CHRM2: variants seen among roughly 807,000 people sequenced by gnomAD.
CHRM2 encodes the protein muscarinic acetylcholine receptor M2.
Under a neutral mutation model 25.0 loss-of-function variants are expected in CHRM2, and 8 were observed. That is an observed-to-expected ratio of 0.32 (90% CI 0.19 to 0.58). The LOEUF (loss-of-function observed/expected upper bound fraction) is 0.58, where lower values mean the gene tolerates loss of function less well. CHRM2 is among the 20% of genes least tolerant of loss of function. The pLI is 0.88. For synonymous variants in CHRM2, 202 were observed against 205.7 expected, an observed-to-expected ratio of 0.98 and a Z score of 0.15; for missense variants, 440 against 567.1, an observed-to-expected ratio of 0.78 and a Z score of 2.28.
chr7:137,015,077 T>G lies in CHRM2; in HGVS notation c.212T>G (p.Ile71Ser). 1 of 1,613,510 alleles carries G rather than the reference T, an allele frequency of 6.2e-7. No individual in the cohort carries two copies. The highest frequency in any genetic ancestry group is 8.5e-7 in the Non-Finnish European group (1 of 1,179,636). ...TTCAGCTTGGCCTGTGCTGACCTTA[T>G]CATAGGTGTTTTCTCCATGAACTTG... Reference protein sequence around the residue: ...FLFSLACADLIIGVFSMNLYT... With the variant: ...FLFSLACADLSIGVFSMNLYT... Residue 71 changes from isoleucine to serine, a missense_variant, in exon 4 of 4, where the codon ATC becomes AGC. Ile to Ser is a moderately radical substitution (Grantham distance 142). Around this residue, in one of 5 missense-constraint regions of CHRM2, gnomAD observed 86 missense variants for 124.9 expected, o/e 0.69. Transcript: ENST00000680005. The surrounding 1 kb of genome is among the most constrained non-coding windows in gnomAD (Gnocchi z 5.1).
intron 2 of CHRM2, among the ~76,000 whole-genome samples, chr7:136,922,674 C>T (rs185146673): frequency 1.3e-5 from 2 of 152,280 alleles, no homozygotes; most frequent in African/African-American, 4.8e-5. Flanking sequence ...ATAATGGCAA[C>T]TTATCTTTTA....
rs1490177378 is a variant in CHRM2, at chr7:137,018,556, A to C, written c.*2290A>C. 2.0e-5 allele frequency: 3 copies of C among 151,868 alleles called. No homozygotes were observed. Among genetic ancestry groups the C allele is most frequent in the Non-Finnish European group, 4.4e-5 (3 of 67,894 alleles). The allele number at this position is 151,868 out of a possible 1,614,324, so 9.4% of individuals were successfully genotyped here. ...AATGTATTGTATTATTATTATGTAG[A>C]TTTGGCTTCAGTTGGGAAGAACCCT... On this transcript the variant is annotated 3_prime_UTR_variant, in exon 4 of 4. Transcript: ENST00000680005.
intron 2 of CHRM2, among the ~76,000 whole-genome samples, chr7:136,910,052 T>C: frequency 6.6e-6 from 1 of 151,858 alleles, no homozygotes; most frequent in East Asian, 1.9e-4. Flanking sequence ...AATGTGATTT[T>C]TAGCCAAGGT....
chr7:136,884,329 T>C (rs571396695), intron 2 of CHRM2, among the ~76,000 whole-genome samples: 3 of 152,092 alleles, frequency 2.0e-5, no homozygotes, highest in Admixed American at 6.6e-5. Flanking sequence ...GTCTTTAGAG[T>C]AAGAAAAAAA....
chr7:136,930,898 CAAAAAAAA>C lies in CHRM2; in HGVS notation c.-124-61267_-124-61260del, dbSNP rs57705639. 8.3e-3 allele frequency among the ~76,000 whole-genome samples: 510 copies of C among 61,098 alleles called. 4 individuals carry two copies. Among genetic ancestry groups the C allele is most frequent in the African/African-American group, 0.018 (451 of 24,978 alleles). The allele number at this position is 61,098 out of a possible 152,430, so 40.1% of individuals were successfully genotyped here. On this transcript the variant is annotated intron_variant, in intron 2 of 3. Coordinates refer to ENST00000680005, the MANE Select transcript of CHRM2 (RefSeq NM_001006630.2). ...GGCTACAGAGCCAGACTCATTCTCT[CAAAAAAAA>C]AAAAAAAAAAAAAAAAAAAAAGGAT... is the stretch of plus-strand genomic sequence containing the variant.
intron 2 of CHRM2, among the ~76,000 whole-genome samples, chr7:136,973,737 G>A (rs953773211): frequency 7.2e-5 from 11 of 151,914 alleles, no homozygotes; most frequent in South Asian, 2.1e-4. Flanking sequence ...AATTGTTGTC[G>A]GTAATGATGG....
intron 2 of CHRM2, among the ~76,000 whole-genome samples, chr7:136,984,705 C>G (rs1363349125): frequency 6.6e-6 from 1 of 152,066 alleles, no homozygotes; most frequent in Non-Finnish European, 1.5e-5. Flanking sequence ...GGAAGGAGTT[C>G]CCTGACCCCT....
In CHRM2 at chr7:136,869,723, C is replaced by T. The variant is rs895576642; in HGVS notation, c.-125+305C>T. ...GAATGTGGCGAAAGCAGCCTGGGAG[C>T]TGCGCTGTCCCGGCGTCGCTCCCTA... On this transcript the variant is annotated intron_variant, in intron 2 of 3. Coordinates refer to ENST00000680005, the MANE Select transcript of CHRM2 (RefSeq NM_001006630.2). The surrounding 1 kb of genome is among the most constrained non-coding windows in gnomAD (Gnocchi z 4.9). 1 of 152,492 alleles carries T rather than the reference C, an allele frequency of 6.6e-6. No homozygotes were observed. 9.4% of individuals were successfully genotyped at this position (152,492 alleles called of 1,614,324 possible). A position where few individuals can be genotyped will look rare whatever the true frequency, so the allele number is the denominator to read the frequency against.
intron 2 of CHRM2, among the ~76,000 whole-genome samples, chr7:136,940,018 A>C (rs561867349): frequency 3.1e-4 from 47 of 152,330 alleles, no homozygotes; most frequent in Non-Finnish European, 1.0e-4. Context: ...TCCTAATAAA[A>C]AGCAATATAT....
chr7:136,981,107 C>T (rs997995986), intron 2 of CHRM2, among the ~76,000 whole-genome samples: 1 of 152,164 alleles, frequency 6.6e-6, no homozygotes, highest in South Asian at 2.1e-4. Context: ...TTAATTACTG[C>T]CTCAATTTCA....
At chr7:136,928,913 G>A (rs1798896248) in intron 2 of CHRM2, among the ~76,000 whole-genome samples, 1 of 152,130 alleles carries the variant, frequency 6.6e-6, no homozygotes, top group Non-Finnish European at 1.5e-5. Context: ...TATCTCACAG[G>A]GTTGCTGTGA....
chr7:136,909,860 T>C (rs1023517941), intron 2 of CHRM2, among the ~76,000 whole-genome samples: 4 of 151,930 alleles, frequency 2.6e-5, no homozygotes, highest in African/African-American at 9.7e-5. Flanking sequence ...CAGAGAAGGA[T>C]TGATTTTAAG....
chr7:136,888,486 G>A (rs1796558763), intron 2 of CHRM2, among the ~76,000 whole-genome samples: 1 of 152,108 alleles, frequency 6.6e-6, no homozygotes, highest in Non-Finnish European at 1.5e-5. Context: ...TTACATATGT[G>A]AATAGGAATA....
At position 136,892,183 on chromosome 7, in the gene CHRM2, C is replaced by T. The variant is rs74504955; in HGVS notation, c.-125+22765C>T. ...ATGATAATTTCTATTTAGGGAAATC[C>T]TTTTTGCCAAAATTCTTGACAGTTG... is the stretch of plus-strand genomic sequence containing the variant. On this transcript the variant is annotated intron_variant, in intron 2 of 3. Coordinates refer to ENST00000680005, the MANE Select transcript of CHRM2 (RefSeq NM_001006630.2). 7.9e-5 allele frequency among the ~76,000 whole-genome samples: 12 copies of T among 152,294 alleles called. No individual in the cohort carries two copies. The East Asian group carries it at 2.3e-3, about 29-fold the overall frequency.
At chr7:136,990,071 C>T (rs1359412186) in intron 2 of CHRM2, among the ~76,000 whole-genome samples, 1 of 151,968 alleles carries the variant, frequency 6.6e-6, no homozygotes, top group Non-Finnish European at 1.5e-5. Context: ...TTTTTTAAGA[C>T]TTTATTTTTT....
intron 2 of CHRM2, among the ~76,000 whole-genome samples, chr7:136,924,182 C>T (rs1349462023): frequency 6.6e-6 from 1 of 151,980 alleles, no homozygotes; most frequent in Non-Finnish European, 1.5e-5. Context: ...GGTATGTACA[C>T]ACATTATTTC....
intron 2 of CHRM2, among the ~76,000 whole-genome samples, chr7:136,988,981 TAC>T (rs1331903750): frequency 6.6e-6 from 1 of 152,110 alleles, no homozygotes; most frequent in African/African-American, 2.4e-5. Flanking sequence ...TTTAGAATTT[TAC>T]AGTCTTCCCA....
chr7:136,932,589 T>C (rs1031548504), intron 2 of CHRM2, among the ~76,000 whole-genome samples: 9 of 152,200 alleles, frequency 5.9e-5, no homozygotes, highest in Non-Finnish European at 4.4e-5. Context: ...AATAAATTCA[T>C]ACAACTACCT....
chr7:137,015,856 A>G lies in CHRM2; in HGVS notation c.991A>G (p.Thr331Ala). The G allele has an allele frequency of 6.2e-7, 1 of 1,612,986 alleles. No individual in the cohort carries two copies. The highest frequency in any genetic ancestry group is 8.5e-7 in the Non-Finnish European group (1 of 1,179,346). The change falls in exon 4 of 4, where the codon ACC (threonine) becomes GCC (alanine). Residue 331 changes from threonine (T) to alanine (A), a missense_variant. Thr to Ala is a moderately conservative substitution (Grantham distance 58). Coordinates refer to ENST00000680005, the MANE Select transcript of CHRM2 (RefSeq NM_001006630.2). The surrounding 1 kb of genome is among the most constrained non-coding windows in gnomAD (Gnocchi z 5.1). ...KQTCIRIGTKTPKSDSCTPTN... is the reference protein window; with the variant it reads ...KQTCIRIGTKAPKSDSCTPTN... Reference sequence around the variant, plus strand: ...AACATGCATCAGAATTGGCACCAAGACCCCAAAAAGTGACTCATGTACCCC... The same window carrying G: ...AACATGCATCAGAATTGGCACCAAGGCCCCAAAAAGTGACTCATGTACCCC...
Sources: gnomAD v4.1 joint callset for allele counts (sites outside exome capture counted in the v4.1 genomes callset) on GRCh38, gnomAD v4.1.1 for gene constraint, gnomAD v4.1.1 regional missense constraint, Gnocchi (gnomAD v3.1) non-coding constraint, MANE v1.5 for transcripts, NCBI Gene and HGNC (gene_info 2026-07-23, HGNC 2026-07-21) for gene names.